The following SRPRA variants were observed in gnomAD, a reference collection of about 807,000 sequenced individuals.
The protein encoded by SRPRA is SRP receptor subunit alpha.
A neutral mutation model predicts 61.1 loss-of-function variants in SRPRA; 30 were observed. The ratio of observed to expected loss-of-function variants is 0.49; its 90% CI spans 0.37 to 0.67. The LOEUF (loss-of-function observed/expected upper bound fraction) is 0.67. Ranked by LOEUF, SRPRA falls within the 30% of genes least tolerant of loss-of-function variation. The pLI is 0.00. For synonymous variants in SRPRA, 324 were observed against 299.7 expected, an observed-to-expected ratio of 1.08 and a Z score of -0.84; for missense variants, 759 against 828.4, an observed-to-expected ratio of 0.92 and a Z score of 1.03.
the SRPRA span, among the ~76,000 whole-genome samples, chr11:126,236,130 C>G: frequency 6.6e-6 from 1 of 152,166 alleles, no homozygotes; most frequent in African/African-American, 2.4e-5. Flanking sequence ...TTTGCTATTT[C>G]CCATTCCCAT....
At chr11:126,240,953 A>G in the SRPRA span, 1 of 1,614,178 alleles carries the variant, frequency 6.2e-7, no homozygotes, top group Non-Finnish European at 8.5e-7. Context: ...GATCTTTTAG[A>G]AGATGAGGAG....
At position 126,267,108 on chromosome 11, in the gene SRPRA, C is replaced by T; in HGVS notation, c.526+67G>A. 2 of 1,575,282 alleles carry T rather than the reference C, an allele frequency of 1.3e-6. No individual in the cohort carries two copies. The highest frequency in any genetic ancestry group is 1.7e-6 in the Non-Finnish European group (2 of 1,155,742). ...GGTAAGCAATGACAAAAGGAAGGAC[C>T]ACCTCAGTCCTTAGCACCGTGTTAA... On this transcript the variant is annotated intron_variant, in intron 4 of 13. Coordinates refer to ENST00000332118, the MANE Select transcript of SRPRA (RefSeq NM_003139.4). The surrounding 1 kb of genome is among the most constrained non-coding windows in gnomAD (Gnocchi z 4.2).
chr11:126,261,424 G>A, downstream of SRPRA: 1 of 1,613,572 alleles, frequency 6.2e-7, no homozygotes, highest in Non-Finnish European at 8.5e-7. Flanking sequence ...CCTCTATTTA[G>A]CAGGGATGGT....
At chr11:126,262,243 T>G, downstream of SRPRA, 2 of 1,228,770 alleles carry the variant, frequency 1.6e-6, no homozygotes, top group East Asian at 2.4e-5. Flanking sequence ...AAAGTAACAA[T>G]AGCCAGAGGT....
chr11:126,237,684 A>G, the SRPRA span, among the ~76,000 whole-genome samples: 2 of 58 alleles, frequency 0.034, no homozygotes, highest in African/African-American at 0.1. Context: ...CTCTACTAAA[A>G]AAAAAAAAAA....
chr11:126,264,774 A>G lies in SRPRA; in HGVS notation c.1525+185T>C, dbSNP rs1286842717. On this transcript the variant is annotated intron_variant, in intron 11 of 13. Coordinates refer to ENST00000332118, the MANE Select transcript of SRPRA (RefSeq NM_003139.4). The surrounding 1 kb of genome is among the most constrained non-coding windows in gnomAD (Gnocchi z 5.0). ...ATTCAGGTTTCTCTGGTTAAGGTAT[A>G]TTAGCTTTGCCTGCAACTACATCTG... 1.3e-6 allele frequency: 1 copy of G among 762,352 alleles called. No homozygotes were observed. The highest frequency in any genetic ancestry group is 2.1e-6 in the Non-Finnish European group (1 of 484,842). 47.2% of individuals were successfully genotyped at this position (762,352 alleles called of 1,614,324 possible). A position where few individuals can be genotyped will look rare whatever the true frequency, so the allele number is the denominator to read the frequency against.
At chr11:126,256,220 CACACCACT>C in the SRPRA span, among the ~76,000 whole-genome samples, 1 of 152,186 alleles carries the variant, frequency 6.6e-6, no homozygotes, top group Non-Finnish European at 1.5e-5. This position sits in a 1 kb window ranked among gnomAD's most constrained non-coding sequence, Gnocchi z 6.6. Flanking sequence ...AAGCCGAGGT[CACACCACT>C]ACACTCTAGC....
Position 126,267,866 on chromosome 11 carries a change from G to T in SRPRA, c.201+137C>A. 2 of 1,371,072 alleles carry T rather than the reference G, an allele frequency of 1.5e-6. No individual in the cohort carries two copies. The highest frequency in any genetic ancestry group is 2.0e-6 in the Non-Finnish European group (2 of 984,596). The allele number at this position is 1,371,072 out of a possible 1,614,324, so 84.9% of individuals were successfully genotyped here. A position where few individuals can be genotyped will look rare whatever the true frequency, so the allele number is the denominator to read the frequency against. ...CCAAGCTCCCTGCCTGGGCCCAGTA[G>T]CTGCTGTTTTCCCCCATCTACCTTT... On this transcript the variant is annotated intron_variant, in intron 2 of 13. Transcript: ENST00000332118. This position sits in a 1 kb window ranked among gnomAD's most constrained non-coding sequence, Gnocchi z 4.2.
At chr11:126,255,790 T>C in the SRPRA span, among the ~76,000 whole-genome samples, 2 of 151,256 alleles carry the variant, frequency 1.3e-5, no homozygotes, top group African/African-American at 4.9e-5. This position sits in a 1 kb window ranked among gnomAD's most constrained non-coding sequence, Gnocchi z 4.6. Flanking sequence ...CTGTCTCTAC[T>C]AAAAATAGGA....
rs1950734346 is a variant in SRPRA, at chr11:126,262,991, A to G, written c.*925T>C. 6.5e-6 allele frequency: 1 copy of G among 152,692 alleles called. No individual in the cohort carries two copies. Among genetic ancestry groups the G allele is most frequent in the Non-Finnish European group, 1.5e-5 (1 of 68,048 alleles). The allele number at this position is 152,692 out of a possible 1,614,324, so 9.5% of individuals were successfully genotyped here. On this transcript the variant is annotated 3_prime_UTR_variant, in exon 14 of 14. Coordinates refer to ENST00000332118, the MANE Select transcript of SRPRA (RefSeq NM_003139.4). ...AAATTACTTATTTCTCTGGGCAGACAGCCTTCACCTTATTGCACTAATAGC... is the reference window on the plus strand; with the variant it reads ...AAATTACTTATTTCTCTGGGCAGACGGCCTTCACCTTATTGCACTAATAGC...
At position 126,266,927 on chromosome 11, in the gene SRPRA, T is replaced by G. The variant is rs1565347085; in HGVS notation, c.527-5A>C. The G allele has an allele frequency of 6.2e-7, 1 of 1,609,918 alleles. No individual in the cohort carries two copies. Among genetic ancestry groups the G allele is most frequent in the Non-Finnish European group, 8.5e-7 (1 of 1,178,872 alleles). ...TAGCCAAAGGACCATCAGAACCTGT[T>G]GGGGAAAAAACTCACTGAAGAAAAA... is the stretch of plus-strand genomic sequence containing the variant. On this transcript the variant is annotated splice_polypyrimidine_tract_variant and splice_region_variant and intron_variant, in intron 4 of 13. Coordinates refer to ENST00000332118, the MANE Select transcript of SRPRA (RefSeq NM_003139.4).
chr11:126,261,971 G>A (rs949920523), downstream of SRPRA: 6 of 772,396 alleles, frequency 7.8e-6, no homozygotes, highest in African/African-American at 1.1e-4. Context: ...TCTCTAAAAA[G>A]TAAATAAAAT....
the SRPRA span, chr11:126,256,967 CA>C: frequency 9.1e-7 from 1 of 1,101,126 alleles, no homozygotes; most frequent in Non-Finnish European, 1.3e-6. The surrounding 1 kb of genome is among the most constrained non-coding windows in gnomAD (Gnocchi z 6.6). Context: ...AATGACTGAC[CA>C]AATTGTAAAG....
the SRPRA span, among the ~76,000 whole-genome samples, chr11:126,249,155 T>A: frequency 6.7e-6 from 1 of 150,258 alleles, no homozygotes; most frequent in African/African-American, 2.5e-5. Flanking sequence ...GGAGGATCAC[T>A]TGAGATCCCA....
At position 126,263,836 on chromosome 11, in the gene SRPRA, A is replaced by T; in HGVS notation, c.*80T>A. On this transcript the variant is annotated 3_prime_UTR_variant, in exon 14 of 14. Coordinates refer to ENST00000332118, the MANE Select transcript of SRPRA (RefSeq NM_003139.4). ...GTACTACACTGAAGACAGGTTGCTC[A>T]CATACTCTAAAGCACATTCTTGATA... The T allele has an allele frequency of 6.4e-7, 1 of 1,570,252 alleles. No homozygotes were observed. The highest frequency in any genetic ancestry group is 1.2e-5 in the South Asian group (1 of 84,130).
chr11:126,238,217 C>T, the SRPRA span, among the ~76,000 whole-genome samples: 1 of 151,986 alleles, frequency 6.6e-6, no homozygotes, highest in Non-Finnish European at 1.5e-5. Context: ...CAAAAATTGG[C>T]TGGGTGTGGT....
At chr11:126,244,175 TCAG>T in the SRPRA span, among the ~76,000 whole-genome samples, 20 of 152,250 alleles carry the variant, frequency 1.3e-4, no homozygotes, top group South Asian at 2.3e-3. The surrounding 1 kb of genome is among the most constrained non-coding windows in gnomAD (Gnocchi z 4.5). Context: ...TCCACTAAGA[TCAG>T]CAGCAAGACA....
At chr11:126,261,581 A>G (rs937811432), downstream of SRPRA, 9 of 966,222 alleles carry the variant, frequency 9.3e-6, no homozygotes, top group East Asian at 1.8e-4. Flanking sequence ...TGGACCTCAC[A>G]TTGCCAAATT....
the SRPRA span, among the ~76,000 whole-genome samples, chr11:126,252,652 A>G: frequency 6.6e-6 from 1 of 152,128 alleles, no homozygotes; most frequent in Non-Finnish European, 1.5e-5. This position sits in a 1 kb window ranked among gnomAD's most constrained non-coding sequence, Gnocchi z 4.7. Context: ...CTGAAGCAGG[A>G]CGATCGATTG....
Sources: gnomAD v4.1 joint callset for allele counts (sites outside exome capture counted in the v4.1 genomes callset) on GRCh38, gnomAD v4.1.1 for gene constraint, Gnocchi (gnomAD v3.1) non-coding constraint, MANE v1.5 for transcripts, NCBI Gene and HGNC (gene_info 2026-07-23, HGNC 2026-07-21) for gene names.